The following FAT3 variants were observed in gnomAD, a reference collection of about 807,000 sequenced individuals.
FAT3 encodes protocadherin Fat 3.
A neutral mutation model predicts 310.2 loss-of-function variants in FAT3; 95 were observed. That is an observed-to-expected ratio of 0.31 (90% CI 0.26 to 0.36). FAT3 has a LOEUF of 0.36. Among genes scored for constraint, FAT3 ranks in the 10% least tolerant of loss-of-function variants. FAT3 has a pLI of 1.00. For missense variants in FAT3, 5,408 were observed against 5,715.6 expected (o/e 0.95, Z 1.74); for synonymous variants, 2,314 against 2,192.9 (o/e 1.06, Z -1.54).
intron 1 of FAT3, chr11:92,336,041 ATCC>A (rs1186011105): frequency 2.0e-6 from 1 of 497,850 alleles, no homozygotes; most frequent in Non-Finnish European, 4.0e-6. Context: ...GTCAGTTCTC[ATCC>A]TCTGGCAACT....
intron 22 of FAT3, among the ~76,000 whole-genome samples, chr11:92,877,776 T>C (rs1949567299): frequency 1.3e-5 from 2 of 152,180 alleles, no homozygotes; most frequent in Admixed American, 1.3e-4. Flanking sequence ...AGATAGAAAA[T>C]GTATTAGAGT....
At chr11:92,405,387 T>G (rs571480608) in intron 2 of FAT3, among the ~76,000 whole-genome samples, 13 of 152,338 alleles carry the variant, frequency 8.5e-5, no homozygotes, top group African/African-American at 2.9e-4. Context: ...CCAAAGAGGT[T>G]TATTATTCAG....
intron 1 of FAT3, among the ~76,000 whole-genome samples, chr11:92,292,221 A>T (rs1946712045): frequency 6.6e-6 from 1 of 152,084 alleles, no homozygotes; most frequent in South Asian, 2.1e-4. Context: ...ACAGAATAAT[A>T]ATTTTTAAAA....
intron 2 of FAT3, among the ~76,000 whole-genome samples, chr11:92,368,325 A>G (rs1949080647): frequency 6.6e-6 from 1 of 152,180 alleles, no homozygotes; most frequent in Non-Finnish European, 1.5e-5. Flanking sequence ...AATTTTTAAC[A>G]TTGTGTAAAA....
intron 4 of FAT3, among the ~76,000 whole-genome samples, chr11:92,715,125 G>T (rs1464126088): frequency 1.3e-5 from 2 of 151,876 alleles, no homozygotes; most frequent in East Asian, 3.9e-4. Flanking sequence ...AATTAAATTG[G>T]CCGGGTGCGT....
intron 2 of FAT3, among the ~76,000 whole-genome samples, chr11:92,462,538 A>G (rs1046414980): frequency 6.6e-6 from 1 of 152,214 alleles, no homozygotes; most frequent in East Asian, 1.9e-4. Context: ...CAAGAATCAC[A>G]AAGGAAGGTA....
At chr11:92,542,624 T>A (rs539810870) in intron 3 of FAT3, among the ~76,000 whole-genome samples, 46 of 151,824 alleles carry the variant, frequency 3.0e-4, no homozygotes, top group African/African-American at 1.1e-3. Flanking sequence ...GAAATGCAAA[T>A]TGAGATATCA....
At chr11:92,854,856 C>T (rs1948928458) in intron 19 of FAT3, among the ~76,000 whole-genome samples, 1 of 152,076 alleles carries the variant, frequency 6.6e-6, no homozygotes, top group Admixed American at 6.5e-5. Flanking sequence ...ATCTCAGAAA[C>T]ACAGAAGCTT....
chr11:92,280,732 G>A (rs189178633), intron 1 of FAT3, among the ~76,000 whole-genome samples: 134 of 152,100 alleles, frequency 8.8e-4, no homozygotes, highest in African/African-American at 3.0e-3. Context: ...CTCCAGCTTC[G>A]TCTTTATTAG....
chr11:92,410,567 A>T (rs1950234177), intron 2 of FAT3, among the ~76,000 whole-genome samples: 1 of 151,964 alleles, frequency 6.6e-6, no homozygotes, highest in Admixed American at 6.6e-5. Flanking sequence ...CAGTTTTTCC[A>T]TTAGGGGGTC....
chr11:92,799,429 T>C lies in FAT3; in HGVS notation c.6416T>C (p.Val2139Ala). 7 of 1,613,612 alleles carry C rather than the reference T, an allele frequency of 4.3e-6. No individual in the cohort carries two copies. The highest frequency in any genetic ancestry group is 5.9e-6 in the Non-Finnish European group (7 of 1,179,736). Residue 2139 changes from valine to alanine, a missense_variant, in exon 10 of 28, where the codon GTT becomes GCT. Val to Ala is a moderately conservative substitution (Grantham distance 64, BLOSUM62 0). Coordinates refer to ENST00000525166, the MANE Select transcript of FAT3 (RefSeq NM_001367949.2). ...HFEINPNSGN[V>A]ILKEAFNSDL... The stretch of plus-strand genomic sequence containing the variant: ...GAAATTAACCCTAATTCAGGGAATG[T>C]TATTTTAAAGGAAGCATTCAACTCT...
chr11:92,697,455 T>G lies in FAT3; in HGVS notation c.3669+10T>G. 1.2e-6 allele frequency: 2 copies of G among 1,613,620 alleles called. No homozygotes were observed. The highest frequency in any genetic ancestry group is 8.5e-7 in the Non-Finnish European group (1 of 1,179,640). ...AGAACATTTTCTGGAGGTAAGCGCA[T>G]AGAGGGAACTGAAATTCATTAAAAC... On this transcript the variant is annotated intron_variant, in intron 4 of 27. Transcript: ENST00000525166.
Position 92,806,494 on chromosome 11 carries a change from T to TG in FAT3, c.9226_9227insG (p.Phe3076CysfsTer32). 1 of 1,548,884 alleles carries TG rather than the reference T, an allele frequency of 6.5e-7. No homozygotes were observed. The highest frequency in any genetic ancestry group is 8.7e-7 in the Non-Finnish European group (1 of 1,143,948). ...ACTCTATGGATCTGGAAACAGTGAA[T>TG]TTTTTCTAGATCCAGAAAGTGGTAA... is the stretch of plus-strand genomic sequence containing the variant. On this transcript the variant is annotated frameshift_variant, in exon 12 of 28. Coordinates refer to ENST00000525166, the MANE Select transcript of FAT3 (RefSeq NM_001367949.2). LOFTEE classifies it high-confidence loss of function.
chr11:92,534,795 CAA>C (rs1954198014), intron 3 of FAT3, among the ~76,000 whole-genome samples: 2 of 152,076 alleles, frequency 1.3e-5, no homozygotes, highest in African/African-American at 4.8e-5. Flanking sequence ...GGCAGGCTAA[CAA>C]GAGAAAAACA....
chr11:92,787,319 T>G (rs1565593033), intron 7 of FAT3, among the ~76,000 whole-genome samples: 1 of 152,154 alleles, frequency 6.6e-6, no homozygotes, highest in Non-Finnish European at 1.5e-5. Context: ...GGGGAAGGTA[T>G]AGAAGCTGAA....
At chr11:92,699,197 C>T (rs1289115442) in intron 4 of FAT3, among the ~76,000 whole-genome samples, 1 of 152,066 alleles carries the variant, frequency 6.6e-6, no homozygotes, top group Non-Finnish European at 1.5e-5. Context: ...ATCCAAAATG[C>T]TTGGGAAGGG....
At chr11:92,736,532 A>T (rs570960195) in intron 4 of FAT3, among the ~76,000 whole-genome samples, 1 of 152,260 alleles carries the variant, frequency 6.6e-6, no homozygotes, top group South Asian at 2.1e-4. Context: ...ATGGCAATTG[A>T]CCCTTGAGGT....
At chr11:92,408,674 G>A (rs1950189489) in intron 2 of FAT3, among the ~76,000 whole-genome samples, 1 of 152,182 alleles carries the variant, frequency 6.6e-6, no homozygotes, top group African/African-American at 2.4e-5. Flanking sequence ...ACTCCTCTTA[G>A]TGATAAGTGG....
At chr11:92,235,530 T>G (rs1399890736) in intron 1 of FAT3, among the ~76,000 whole-genome samples, 1 of 152,046 alleles carries the variant, frequency 6.6e-6, no homozygotes, top group Non-Finnish European at 1.5e-5. Context: ...CCACTCTTAT[T>G]GCTATATCTT....
Sources: allele counts gnomAD v4.1 joint callset (sites outside exome capture counted in the v4.1 genomes callset), GRCh38; gene constraint gnomAD v4.1.1; transcripts MANE v1.5; gene names NCBI Gene and HGNC (gene_info 2026-07-23, HGNC 2026-07-21).